The following NEDD4 variants were observed in gnomAD, a reference collection of about 807,000 sequenced individuals.
The protein encoded by NEDD4 is NEDD4 E3 ubiquitin protein ligase.
Under a neutral mutation model 144.9 loss-of-function variants are expected in NEDD4, and 99 were observed. That is an observed-to-expected ratio of 0.68 (90% CI 0.58 to 0.81). The LOEUF (loss-of-function observed/expected upper bound fraction) is 0.81, where lower values mean the gene tolerates loss of function less well. Among genes scored for constraint, NEDD4 ranks in the 30% least tolerant of loss-of-function variants. The pLI, the probability that NEDD4 is intolerant of heterozygous loss-of-function variation, is 0.00. For missense variants in NEDD4, 985 were observed against 1,065.9 expected (o/e 0.92, Z 1.06); for synonymous variants, 318 against 350.6 (o/e 0.91, Z 1.04).
At position 55,827,232 on chromosome 15, in the gene NEDD4, G is replaced by C. The variant is rs373988556; in HGVS notation, c.*2665C>G. The C allele has an allele frequency of 4.4e-4, 67 of 152,306 alleles. No individual in the cohort carries two copies. Among genetic ancestry groups the C allele is most frequent in the African/African-American group, 1.5e-3 (64 of 41,574 alleles). The allele number at this position is 152,306 out of a possible 1,614,324, so 9.4% of individuals were successfully genotyped here. ...TTTTAATAAGAGATTGTAGGCTAAAGTTATATGCTTGTAATTTCTAGAAAC... is the reference window on the plus strand; with the variant it reads ...TTTTAATAAGAGATTGTAGGCTAAACTTATATGCTTGTAATTTCTAGAAAC... On this transcript the variant is annotated 3_prime_UTR_variant, in exon 29 of 29. Coordinates refer to ENST00000435532, the MANE Select transcript of NEDD4 (RefSeq NM_006154.4).
chr15:55,829,229 A>G lies in NEDD4; in HGVS notation c.*668T>C, dbSNP rs1383075782. On this transcript the variant is annotated 3_prime_UTR_variant, in exon 29 of 29. Coordinates refer to ENST00000435532, the MANE Select transcript of NEDD4 (RefSeq NM_006154.4). ...GTCTTATGAACCATCTGTTTAGTAA[A>G]ACTGCATATTAACAAAAGCCAAATA... 2 of 152,238 alleles carry G rather than the reference A, an allele frequency of 1.3e-5. No individual in the cohort carries two copies. Among genetic ancestry groups the G allele is most frequent in the East Asian group, 3.8e-4 (2 of 5,198 alleles). 9.4% of individuals were successfully genotyped at this position (152,238 alleles called of 1,614,324 possible). A position where few individuals can be genotyped will look rare whatever the true frequency, so the allele number is the denominator to read the frequency against.
chr15:55,952,032 A>G (rs1251915521), intron 2 of NEDD4, among the ~76,000 whole-genome samples: 2 of 151,618 alleles, frequency 1.3e-5, no homozygotes, highest in African/African-American at 4.8e-5. Flanking sequence ...AAAAAAAAAA[A>G]CAAAAACTAG....
At chr15:55,833,594 G>A (rs571978471) in intron 26 of NEDD4, among the ~76,000 whole-genome samples, 1 of 152,336 alleles carries the variant, frequency 6.6e-6, no homozygotes, top group Non-Finnish European at 1.5e-5. Flanking sequence ...ATGGGAGGTG[G>A]AGGTGGCAGT....
At chr15:55,876,772 T>C (rs1483114684) in intron 5 of NEDD4, among the ~76,000 whole-genome samples, 1 of 152,134 alleles carries the variant, frequency 6.6e-6, no homozygotes, top group African/African-American at 2.4e-5. Flanking sequence ...TGAATAAAAA[T>C]GCAAAATCTA....
At chr15:55,986,718 T>G (rs2037900901) in intron 1 of NEDD4, among the ~76,000 whole-genome samples, 1 of 150,320 alleles carries the variant, frequency 6.7e-6, no homozygotes, top group Non-Finnish European at 1.5e-5. Context: ...GCCTCCCGAG[T>G]AGCTGGGACT....
intron 4 of NEDD4, among the ~76,000 whole-genome samples, chr15:55,925,162 C>A (rs1309512021): frequency 6.6e-6 from 1 of 152,194 alleles, no homozygotes; most frequent in Non-Finnish European, 1.5e-5. Flanking sequence ...GAAATAAGAG[C>A]AGACTAGTCA....
chr15:55,932,311 C>A (rs2036797494), intron 4 of NEDD4, among the ~76,000 whole-genome samples: 1 of 152,012 alleles, frequency 6.6e-6, no homozygotes, highest in Non-Finnish European at 1.5e-5. Flanking sequence ...GTACTGGTAC[C>A]AAAACAGAGA....
At chr15:55,958,234 G>C (rs1165859521) in intron 2 of NEDD4, among the ~76,000 whole-genome samples, 1 of 152,190 alleles carries the variant, frequency 6.6e-6, no homozygotes, top group East Asian at 1.9e-4. Flanking sequence ...GTTTTATCAT[G>C]ACTGGGTGTT....
At chr15:55,984,693 C>T (rs1300788656) in intron 1 of NEDD4, among the ~76,000 whole-genome samples, 1 of 152,188 alleles carries the variant, frequency 6.6e-6, no homozygotes, top group Non-Finnish European at 1.5e-5. Flanking sequence ...AAAGCCTTAT[C>T]AAAATGCTTT....
At chr15:55,947,040 C>T (rs574783677) in intron 4 of NEDD4, among the ~76,000 whole-genome samples, 2,952 of 152,028 alleles carry the variant, frequency 0.019, 110 homozygotes, top group African/African-American at 0.068. Flanking sequence ...CACTAAATGC[C>T]CACAAGAGAA....
At chr15:55,857,720 T>C (rs1434196204) in intron 11 of NEDD4, among the ~76,000 whole-genome samples, 1 of 152,176 alleles carries the variant, frequency 6.6e-6, no homozygotes, top group Non-Finnish European at 1.5e-5. Flanking sequence ...CACTCATACA[T>C]GTTATAAAAT....
intron 1 of NEDD4, among the ~76,000 whole-genome samples, chr15:55,977,421 T>G (rs2142349421): frequency 6.6e-6 from 1 of 152,316 alleles, no homozygotes; most frequent in South Asian, 2.1e-4. Context: ...CTCTATGACA[T>G]TTGCACAATG....
chr15:55,892,304 ATAAATAAATAAATAAATAAT>A (rs1330672010), intron 5 of NEDD4, among the ~76,000 whole-genome samples: 3 of 95,770 alleles, frequency 3.1e-5, no homozygotes, highest in Non-Finnish European at 4.6e-5. Flanking sequence ...AAATAAATAA[ATAAATAAATAAATAAATAAT>A]AAATATGAAT....
In NEDD4 at chr15:55,848,815, C is replaced by T. The variant is rs200900512; in HGVS notation, c.1419G>A (p.Gly473=). Residue 473 remains glycine (G), a synonymous_variant, in exon 15 of 29, where the codon GGG becomes GGA. Transcript: ENST00000435532. Reference sequence around the variant, plus strand: ...ATTTCTATACACTTACAGGTAAAGGCCCTAGATCATTGGAAGTATCAAGTG... The same window carrying T: ...ATTTCTATACACTTACAGGTAAAGGTCCTAGATCATTGGAAGTATCAAGTG... ...KTSLDTSNDL[G]PLPPGWEERT... The T allele has an allele frequency of 1.4e-5, 23 of 1,613,244 alleles. No homozygotes were observed. Among genetic ancestry groups the T allele is most frequent in the Non-Finnish European group, 1.9e-5 (22 of 1,179,494 alleles).
rs115738078 is a variant in NEDD4, at chr15:55,915,595, T to C, written c.291+9051A>G. The C allele has an allele frequency of 6.3e-5, 102 of 1,613,998 alleles. 1 individual carries two copies. The African/African-American group carries it at 1.0e-3, about 16-fold the overall frequency. On this transcript the variant is annotated intron_variant, in intron 5 of 28. Coordinates refer to ENST00000435532, the MANE Select transcript of NEDD4 (RefSeq NM_006154.4). The stretch of plus-strand genomic sequence containing the variant: ...GCAGATGTCCTATGCATGAGCTTAA[T>C]ATACTCTGAATCAGAATTAAGCTTA...
intron 4 of NEDD4, among the ~76,000 whole-genome samples, chr15:55,938,979 C>T (rs561964220): frequency 6.6e-6 from 1 of 151,984 alleles, no homozygotes; most frequent in African/African-American, 2.4e-5. Context: ...TGATGGTGTG[C>T]ACCTGTGTTT....
chr15:55,929,749 C>T (rs1052591457), intron 4 of NEDD4, among the ~76,000 whole-genome samples: 6 of 151,814 alleles, frequency 4.0e-5, no homozygotes, highest in African/African-American at 1.2e-4. Context: ...CCAGAGATCA[C>T]GAACGTACAA....
chr15:55,968,791 C>T (rs149236129), intron 1 of NEDD4, among the ~76,000 whole-genome samples: 221 of 152,272 alleles, frequency 1.5e-3, no homozygotes, highest in Non-Finnish European at 2.3e-3. Context: ...GATAAATGTA[C>T]ATCTATGTAC....
intron 5 of NEDD4, among the ~76,000 whole-genome samples, chr15:55,918,298 T>G (rs2036502261): frequency 6.6e-6 from 1 of 152,152 alleles, no homozygotes; most frequent in Non-Finnish European, 1.5e-5. Flanking sequence ...CAATCAAAAT[T>G]TAATATTTTA....
Sources: allele counts gnomAD v4.1 joint callset (sites outside exome capture counted in the v4.1 genomes callset), GRCh38; gene constraint gnomAD v4.1.1; transcripts MANE v1.5; gene names NCBI Gene and HGNC (gene_info 2026-07-23, HGNC 2026-07-21).